The following FANK1 variants were observed in gnomAD, a reference collection of about 807,000 sequenced individuals.
FANK1 encodes the protein fibronectin type 3 and ankyrin repeat domains protein 1.
Under a neutral mutation model 45.3 loss-of-function variants are expected in FANK1, and 44 were observed. The observed-to-expected ratio is 0.97, with a 90% confidence interval of 0.76 to 1.25. The LOEUF is 1.25. Ranked by LOEUF, FANK1 falls within the 50% of genes most tolerant of loss-of-function variation. FANK1 has a pLI of 0.00. For synonymous variants in FANK1, 149 were observed against 152.5 expected (o/e 0.98, Z 0.17); for missense variants, 391 against 424.4 (o/e 0.92, Z 0.69).
chr10:125,950,290 T>C (rs896795066), intron 1 of FANK1, among the ~76,000 whole-genome samples: 2 of 150,134 alleles, frequency 1.3e-5, no homozygotes, highest in African/African-American at 4.9e-5. Flanking sequence ...CTAAAGAGCT[T>C]CTGCACAGCA....
chr10:125,953,236 C>T (rs1949367424), intron 1 of FANK1, among the ~76,000 whole-genome samples: 1 of 152,158 alleles, frequency 6.6e-6, no homozygotes, highest in Non-Finnish European at 1.5e-5. Flanking sequence ...TGGGAGAGGG[C>T]TTGTGAAGGC....
intron 3 of FANK1, 147 bp from the exon 4 acceptor site, chr10:125,995,270 G>T: frequency 1.4e-6 from 1 of 702,074 alleles, no homozygotes; most frequent in Non-Finnish European, 2.4e-6. Context: ...AAAAGAAGCA[G>T]GTGAGTAGGA....
At chr10:126,009,020 G>C in intron 8 of FANK1, 34 bp from the exon 9 acceptor site, 2 of 1,604,834 alleles carry the variant, frequency 1.2e-6, no homozygotes, top group Non-Finnish European at 1.7e-6. Flanking sequence ...GGAGGGAGAA[G>C]CTCATGCACA....
At chr10:125,937,113 T>C (rs1353913732) in intron 1 of FANK1, among the ~76,000 whole-genome samples, 1 of 152,120 alleles carries the variant, frequency 6.6e-6, no homozygotes, top group East Asian at 1.9e-4. Flanking sequence ...TTCTAGTACA[T>C]GTTTGTTGGT....
intron 1 of FANK1, among the ~76,000 whole-genome samples, chr10:125,935,192 A>G (rs1193121849): frequency 6.6e-6 from 1 of 152,276 alleles, no homozygotes; most frequent in East Asian, 1.9e-4. Flanking sequence ...CTTTGTGGTC[A>G]TCTTCATAAT....
At chr10:125,918,555 T>TA (rs1946645467) in intron 1 of FANK1, among the ~76,000 whole-genome samples, 1 of 1,500 alleles carries the variant, frequency 6.7e-4, no homozygotes, top group African/African-American at 1.2e-3. Context: ...AGCCTCTGTC[T>TA]CAAAAAAAAA....
intron 3 of FANK1, chr10:125,989,139 G>A (rs1185872700): frequency 1.0e-5 from 7 of 694,380 alleles, no homozygotes; most frequent in East Asian, 2.9e-5. Flanking sequence ...GAGGGTGAAC[G>A]AACAGTGCTG....
chr10:125,989,122 G>A (rs1951761921), intron 3 of FANK1, among the ~76,000 whole-genome samples: 1 of 152,204 alleles, frequency 6.6e-6, no homozygotes, highest in African/African-American at 2.4e-5. Flanking sequence ...CTGGGGTCAC[G>A]GTGAGTGAGG....
At chr10:125,991,311 A>G (rs529632521) in intron 3 of FANK1, among the ~76,000 whole-genome samples, 18 of 146,860 alleles carry the variant, frequency 1.2e-4, no homozygotes, top group Non-Finnish European at 2.4e-4. Context: ...TCACTGCCAG[A>G]TAATAGATAG....
At chr10:126,001,483 G>A (rs1952752957) in intron 6 of FANK1, among the ~76,000 whole-genome samples, 1 of 152,230 alleles carries the variant, frequency 6.6e-6, no homozygotes, top group South Asian at 2.1e-4. Context: ...CAGCAGGCAA[G>A]CGGAGCGGGT....
intron 1 of FANK1, among the ~76,000 whole-genome samples, chr10:125,946,853 C>T (rs1948837845): frequency 7.0e-6 from 1 of 142,752 alleles, no homozygotes; most frequent in African/African-American, 2.7e-5. Context: ...ATGTTAAGGG[C>T]AGCCAGAGAG....
intron 1 of FANK1, among the ~76,000 whole-genome samples, chr10:125,965,444 T>G (rs1044299050): frequency 6.6e-6 from 1 of 152,238 alleles, no homozygotes; most frequent in South Asian, 2.1e-4. Flanking sequence ...GCTTTTCTTA[T>G]CTGATTGTGA....
chr10:125,943,298 TA>T (rs1375213013), intron 1 of FANK1, among the ~76,000 whole-genome samples: 2 of 152,214 alleles, frequency 1.3e-5, no homozygotes, highest in South Asian at 2.1e-4. Flanking sequence ...AAATTGCAGT[TA>T]AAATGGCATA....
intron 1 of FANK1, among the ~76,000 whole-genome samples, chr10:125,912,728 C>G (rs1323082216): frequency 6.6e-6 from 1 of 152,184 alleles, no homozygotes; most frequent in African/African-American, 2.4e-5. Context: ...ACCTCCACCT[C>G]CTGAGTTCAA....
intron 1 of FANK1, among the ~76,000 whole-genome samples, chr10:125,916,381 C>T (rs1946448096): frequency 6.6e-6 from 1 of 151,944 alleles, no homozygotes; most frequent in Admixed American, 6.6e-5. Context: ...TGTCAGTATT[C>T]CCCTCACATA....
chr10:125,980,892 CG>C (rs1951163553), intron 2 of FANK1: 1 of 153,128 alleles, frequency 6.5e-6, no homozygotes, highest in Non-Finnish European at 1.5e-5. Context: ...AACATCCCCC[CG>C]CCCCCAGAAG....
intron 1 of FANK1, among the ~76,000 whole-genome samples, chr10:125,957,782 C>T (rs11244721): frequency 0.32 from 49,109 of 152,004 alleles, 8,213 homozygotes; most frequent in East Asian, 0.46. Context: ...GCCTTGGCCT[C>T]CCAAAGTGCT....
At chr10:125,951,522 C>T (rs1243764561) in intron 1 of FANK1, among the ~76,000 whole-genome samples, 1 of 152,154 alleles carries the variant, frequency 6.6e-6, no homozygotes, top group Non-Finnish European at 1.5e-5. Flanking sequence ...CAAGGCTGTG[C>T]TGACTGTAGA....
rs60802998 is a variant in FANK1 at position 125,911,036 on chromosome 10, C to CAA, written c.13+14393_13+14394dup. Among the ~76,000 whole-genome samples the CAA allele has an allele frequency of 2.4e-3, 312 of 130,858 alleles. 2 individuals carry two copies. The highest frequency in any genetic ancestry group is 4.3e-3 in the Admixed American group (53 of 12,418). 85.8% of individuals were successfully genotyped at this position (130,858 alleles called of 152,430 possible). A position where few individuals can be genotyped will look rare whatever the true frequency, so the allele number is the denominator to read the frequency against. The stretch of plus-strand genomic sequence containing the variant: ...GTGACACAGTGAGACTCCGTCTTTC[C>CAA]AAAAAAAAAAAAAGATGTCCACATT... On this transcript the variant is annotated intron_variant, in intron 1 of 10. Coordinates refer to ENST00000368693, the MANE Select transcript of FANK1 (RefSeq NM_145235.5).
Sources: gnomAD v4.1 joint callset for allele counts (sites outside exome capture counted in the v4.1 genomes callset) on GRCh38, gnomAD v4.1.1 for gene constraint, MANE v1.5 for transcripts, NCBI Gene and HGNC (gene_info 2026-07-23, HGNC 2026-07-21) for gene names.